HTR1F: variants seen among roughly 807,000 people sequenced by gnomAD.
HTR1F encodes 5-hydroxytryptamine receptor 1F.
A neutral mutation model predicts 24.0 loss-of-function variants in HTR1F; 17 were observed. The ratio of observed to expected loss-of-function variants is 0.71; its 90% confidence interval spans 0.48 to 1.06. The LOEUF (loss-of-function observed/expected upper bound fraction) is 1.06, where lower values mean the gene tolerates loss of function less well. HTR1F is among the 50% of genes least tolerant of loss of function. The pLI, the probability that HTR1F is intolerant of heterozygous loss-of-function variation, is 0.00. For missense variants in HTR1F, 391 were observed against 427.8 expected (o/e 0.91, Z 0.76); for synonymous variants, 186 against 156.8 (o/e 1.19, Z -1.39).
At chr3:87,887,243 A>G (rs543709796) in intron 2 of HTR1F, among the ~76,000 whole-genome samples, 1 of 152,334 alleles carries the variant, frequency 6.6e-6, no homozygotes, top group East Asian at 1.9e-4. Context: ...CCTATTTAAT[A>G]AATGGTGCTG....
chr3:87,956,869 A>G (rs1369571438), intron 2 of HTR1F, among the ~76,000 whole-genome samples: 2 of 151,360 alleles, frequency 1.3e-5, no homozygotes, highest in Non-Finnish European at 3.0e-5. Context: ...TGATTTTTAG[A>G]TTCCTGTAGA....
intron 1 of HTR1F, among the ~76,000 whole-genome samples, chr3:87,802,556 G>A (rs1288131610): frequency 6.6e-6 from 1 of 151,754 alleles, no homozygotes; most frequent in African/African-American, 2.4e-5. Context: ...ATATTGCCTA[G>A]GCTAGTCTTA....
chr3:87,976,897 G>A (rs755212536), intron 2 of HTR1F, among the ~76,000 whole-genome samples: 31 of 152,190 alleles, frequency 2.0e-4, no homozygotes, highest in Non-Finnish European at 4.0e-4. Flanking sequence ...TCACTATGGT[G>A]TGAAGTATTT....
chr3:87,922,043 A>G (rs1265094367), intron 2 of HTR1F, among the ~76,000 whole-genome samples: 2 of 152,032 alleles, frequency 1.3e-5, no homozygotes, highest in Non-Finnish European at 1.5e-5. Context: ...ATGCATACCC[A>G]GTAGTGGGAT....
At chr3:87,943,993 G>C (rs1482850404) in intron 2 of HTR1F, among the ~76,000 whole-genome samples, 1 of 152,142 alleles carries the variant, frequency 6.6e-6, no homozygotes, top group African/African-American at 2.4e-5. Context: ...ATTAGTACTA[G>C]AGCCCCCTCT....
intron 2 of HTR1F, among the ~76,000 whole-genome samples, chr3:87,972,496 A>C (rs763599662): frequency 6.6e-6 from 1 of 152,174 alleles, no homozygotes; most frequent in African/African-American, 2.4e-5. Flanking sequence ...TTAATCATCT[A>C]TGTATTTTAA....
intron 2 of HTR1F, among the ~76,000 whole-genome samples, chr3:87,869,386 CAAACAGATAGAT>C (rs781071891): frequency 3.3e-4 from 46 of 137,502 alleles, no homozygotes; most frequent in African/African-American, 1.0e-3. Context: ...GATAGATAGA[CAAACAGATAGAT>C]AGATAGATAG....
intron 1 of HTR1F, among the ~76,000 whole-genome samples, chr3:87,801,454 C>T (rs542305122): frequency 3.8e-4 from 58 of 152,262 alleles, no homozygotes; most frequent in African/African-American, 1.3e-3. Context: ...GAAGTCCTGA[C>T]GACATGTGCC....
chr3:87,864,903 AAAAGAAAAG>A (rs1226494473), intron 2 of HTR1F, among the ~76,000 whole-genome samples: 9 of 90,366 alleles, frequency 1.0e-4, no homozygotes, highest in South Asian at 8.9e-4. Context: ...AAAAAAAAAA[AAAAGAAAAG>A]AAAAGAAAAG....
chr3:87,904,095 C>A (rs1703598657), intron 2 of HTR1F, among the ~76,000 whole-genome samples: 1 of 151,964 alleles, frequency 6.6e-6, no homozygotes, highest in African/African-American at 2.4e-5. Context: ...AAAGGATAGG[C>A]AGTAGCTAAT....
rs187873983 is a variant in HTR1F at position 87,864,335 on chromosome 3, A to T, written c.-43+42211A>T. Among the ~76,000 whole-genome samples the T allele has an allele frequency of 2.0e-5, 3 of 151,974 alleles. No individual in the cohort carries two copies. In the East Asian group the frequency reaches 5.8e-4, roughly 29 times the overall value. On this transcript the variant is annotated intron_variant, in intron 2 of 2. Coordinates refer to ENST00000319595, the MANE Select transcript of HTR1F (RefSeq NM_001322209.2). ...ATGGTGGCAGCCCAAATCTCAGTTC[A>T]CTCCTTTAGCGTGAGATAACACTTC...
At chr3:87,944,676 T>G (rs1704652234) in intron 2 of HTR1F, among the ~76,000 whole-genome samples, 1 of 152,244 alleles carries the variant, frequency 6.6e-6, no homozygotes, top group African/African-American at 2.4e-5. Context: ...ATTTTTGAGT[T>G]AGTAAGCTAT....
chr3:87,925,408 A>G (rs1704102548), intron 2 of HTR1F, among the ~76,000 whole-genome samples: 1 of 152,086 alleles, frequency 6.6e-6, no homozygotes, highest in South Asian at 2.1e-4. Flanking sequence ...TCCCAGCTGT[A>G]CTGGACCACT....
chr3:87,858,367 C>T (rs1705245278), intron 2 of HTR1F, among the ~76,000 whole-genome samples: 1 of 152,152 alleles, frequency 6.6e-6, no homozygotes, highest in African/African-American at 2.4e-5. Context: ...TCAAGAAAAA[C>T]TTCACCCTCA....
intron 2 of HTR1F, among the ~76,000 whole-genome samples, chr3:87,833,443 A>G (rs539626393): frequency 6.6e-6 from 1 of 152,166 alleles, no homozygotes; most frequent in Non-Finnish European, 1.5e-5. Flanking sequence ...TGTGAGCTGG[A>G]ACCAGGGAAA....
intron 2 of HTR1F, among the ~76,000 whole-genome samples, chr3:87,917,669 T>G (rs1441420601): frequency 6.6e-6 from 1 of 151,592 alleles, no homozygotes. Context: ...TCAGGAAGAA[T>G]TAGATACCCT....
At chr3:87,915,798 G>A (rs1191312995) in intron 2 of HTR1F, among the ~76,000 whole-genome samples, 1 of 152,088 alleles carries the variant, frequency 6.6e-6, no homozygotes, top group Non-Finnish European at 1.5e-5. Flanking sequence ...AACTAATCAA[G>A]GAAAACTTCC....
chr3:87,981,474 T>A (rs1158825271), intron 2 of HTR1F, among the ~76,000 whole-genome samples: 1 of 152,186 alleles, frequency 6.6e-6, no homozygotes, highest in African/African-American at 2.4e-5. Flanking sequence ...GGATTACAGG[T>A]GTGAGCCACC....
chr3:87,919,977 A>G (rs1703975867), intron 2 of HTR1F, among the ~76,000 whole-genome samples: 1 of 151,330 alleles, frequency 6.6e-6, no homozygotes, highest in South Asian at 2.1e-4. Flanking sequence ...CCAAATGCCC[A>G]TCAATCAATG....
Sources: gnomAD v4.1 joint callset for allele counts (sites outside exome capture counted in the v4.1 genomes callset) on GRCh38, gnomAD v4.1.1 for gene constraint, MANE v1.5 for transcripts, NCBI Gene and HGNC (gene_info 2026-07-23, HGNC 2026-07-21) for gene names.